TRPS1: variants seen among roughly 807,000 people sequenced by gnomAD.
TRPS1 encodes transcriptional repressor GATA binding 1.
TRPS1 carries 6 observed loss-of-function variants against 101.2 expected under a neutral mutation model. The ratio of observed to expected loss-of-function variants is 0.06; its 90% CI spans 0.03 to 0.12. TRPS1 has a LOEUF of 0.12. Among genes scored for constraint, TRPS1 ranks in the 10% least tolerant of loss-of-function variants. The pLI, the probability that TRPS1 is intolerant of heterozygous loss-of-function variation, is 1.00. For synonymous variants in TRPS1, 578 were observed against 589.8 expected (o/e 0.98, Z 0.29); for missense variants, 1,363 against 1,567.0 (o/e 0.87, Z 2.20).
chr8:115,513,085 A>G (rs1815624036), intron 5 of TRPS1, among the ~76,000 whole-genome samples: 1 of 151,740 alleles, frequency 6.6e-6, no homozygotes, highest in Admixed American at 6.6e-5. Flanking sequence ...CAGTTTGCCT[A>G]TTCTCTTACT....
chr8:115,557,631 C>T (rs546356322), intron 5 of TRPS1, among the ~76,000 whole-genome samples: 10 of 152,210 alleles, frequency 6.6e-5, no homozygotes, highest in South Asian at 2.1e-4. Flanking sequence ...CTTCCCTTTC[C>T]GCCATGATTA....
At chr8:115,616,241 T>C (rs1383594387) in intron 3 of TRPS1, among the ~76,000 whole-genome samples, 4 of 152,218 alleles carry the variant, frequency 2.6e-5, no homozygotes, top group Non-Finnish European at 4.4e-5. Flanking sequence ...TTTTACAAAG[T>C]TGTAATTCTT....
chr8:115,560,411 A>G (rs1343077162), intron 5 of TRPS1, among the ~76,000 whole-genome samples: 1 of 152,146 alleles, frequency 6.6e-6, no homozygotes, highest in African/African-American at 2.4e-5. Flanking sequence ...TCATAAAATC[A>G]TAACAACCAC....
chr8:115,466,200 T>C (rs1307065643), intron 5 of TRPS1, among the ~76,000 whole-genome samples: 1 of 152,188 alleles, frequency 6.6e-6, no homozygotes, highest in Admixed American at 6.5e-5. Context: ...AACAATTTTT[T>C]CAAATGGATT....
intron 5 of TRPS1, among the ~76,000 whole-genome samples, chr8:115,499,318 AT>A (rs1422791648): frequency 6.6e-6 from 1 of 152,206 alleles, no homozygotes; most frequent in Non-Finnish European, 1.5e-5. Context: ...ATGAATCAAA[AT>A]ATTGTGCTTC....
intron 5 of TRPS1, among the ~76,000 whole-genome samples, chr8:115,470,948 T>C (rs754830565): frequency 2.6e-5 from 4 of 152,240 alleles, no homozygotes; most frequent in Non-Finnish European, 4.4e-5. Context: ...AGTCTTTAAC[T>C]GTGGGTAGCA....
At chr8:115,496,811 CAGTT>C (rs996157097) in intron 5 of TRPS1, among the ~76,000 whole-genome samples, 1 of 152,110 alleles carries the variant, frequency 6.6e-6, no homozygotes, top group Non-Finnish European at 1.5e-5. Context: ...TTTATTACAA[CAGTT>C]AGCAGTTTTC....
intron 5 of TRPS1, among the ~76,000 whole-genome samples, chr8:115,461,471 C>T (rs1417533557): frequency 6.6e-6 from 1 of 152,128 alleles, no homozygotes; most frequent in Non-Finnish European, 1.5e-5. Flanking sequence ...TAGATGCCTT[C>T]CCTCTAAAGA....
intron 5 of TRPS1, among the ~76,000 whole-genome samples, chr8:115,471,075 A>G (rs1814457459): frequency 6.6e-6 from 1 of 152,176 alleles, no homozygotes; most frequent in South Asian, 2.1e-4. Flanking sequence ...TTGTTTGCAG[A>G]GTGTGATGCA....
At chr8:115,592,646 C>G (rs1817701392) in intron 4 of TRPS1, among the ~76,000 whole-genome samples, 1 of 152,126 alleles carries the variant, frequency 6.6e-6, no homozygotes, top group Non-Finnish European at 1.5e-5. Context: ...ACATTACTGT[C>G]AAAAGCCTGG....
chr8:115,518,775 A>T (rs1815785036), intron 5 of TRPS1, among the ~76,000 whole-genome samples: 1 of 151,876 alleles, frequency 6.6e-6, no homozygotes, highest in African/African-American at 2.4e-5. Context: ...AGTAAAGGTG[A>T]TATTTTCTCT....
chr8:115,480,653 A>T lies in TRPS1; in HGVS notation c.2701-62201T>A, dbSNP rs180995141. 2.3e-3 allele frequency among the ~76,000 whole-genome samples: 357 copies of T among 152,198 alleles called. 1 individual carries two copies. Among genetic ancestry groups the T allele is most frequent in the African/African-American group, 8.1e-3 (338 of 41,566 alleles). ...AAAAATGCATGCATGCAAAGAATGC[A>T]TATATTATATTCAGGGCCATTTTTC... On this transcript the variant is annotated intron_variant, in intron 5 of 6. Transcript: ENST00000395715.
rs774175189 is a variant in TRPS1, at chr8:115,568,353, T to TTTAAA, written c.2700+18643_2700+18647dup. On this transcript the variant is annotated intron_variant, in intron 5 of 6. Transcript: ENST00000395715. The stretch of plus-strand genomic sequence containing the variant: ...TTACATGACTCTAAACTCTCACAAT[T>TTTAAA]TTAAATTAAAACATAAATATGACAT... Among the ~76,000 whole-genome samples the TTTAAA allele has an allele frequency of 8.3e-4, 127 of 152,144 alleles. 3 individuals are homozygous for TTTAAA. Among genetic ancestry groups the TTTAAA allele is most frequent in the Admixed American group, 8.3e-3 (127 of 15,258 alleles).
At chr8:115,637,215 T>G (rs907915360) in intron 1 of TRPS1, 2 of 979,778 alleles carry the variant, frequency 2.0e-6, no homozygotes, top group Admixed American at 6.2e-5. Context: ...AGAAGCTAGG[T>G]TTAAACCAAA....
chr8:115,648,400 C>T (rs1173551875), intron 1 of TRPS1, among the ~76,000 whole-genome samples: 1 of 152,208 alleles, frequency 6.6e-6, no homozygotes, highest in Non-Finnish European at 1.5e-5. Context: ...GATAACACGC[C>T]CACAGCCCGG....
At chr8:115,595,563 C>T (rs1485961565) in intron 4 of TRPS1, among the ~76,000 whole-genome samples, 1 of 151,886 alleles carries the variant, frequency 6.6e-6, no homozygotes, top group East Asian at 1.9e-4. Flanking sequence ...GAGGTGCTCA[C>T]ATCTTCAAGT....
chr8:115,457,349 T>C lies in TRPS1; in HGVS notation c.2701-38897A>G, dbSNP rs374958712. ...GAGGACATCATTATGTTAAGTGAAA[T>C]AAGGCAGTCACAGAAAGACAAGTAT... On this transcript the variant is annotated intron_variant, in intron 5 of 6. Transcript: ENST00000395715. Among the ~76,000 whole-genome samples, 65 of 152,220 alleles carry C rather than the reference T, an allele frequency of 4.3e-4. 1 individual carries two copies. Among genetic ancestry groups the C allele is most frequent in the African/African-American group, 1.5e-3 (64 of 41,534 alleles).
intron 5 of TRPS1, among the ~76,000 whole-genome samples, chr8:115,538,094 C>A (rs777803799): frequency 6.6e-6 from 1 of 152,194 alleles, no homozygotes; most frequent in Non-Finnish European, 1.5e-5. Context: ...ATATTCCGGA[C>A]TTTGCATCTA....
chr8:115,632,003 A>G (rs1818657085), intron 1 of TRPS1, among the ~76,000 whole-genome samples: 1 of 152,136 alleles, frequency 6.6e-6, no homozygotes, highest in Admixed American at 6.6e-5. Flanking sequence ...AGATTCCATA[A>G]ATGTCTGTGT....
Sources: allele counts gnomAD v4.1 joint callset (sites outside exome capture counted in the v4.1 genomes callset), GRCh38; gene constraint gnomAD v4.1.1; transcripts MANE v1.5; gene names NCBI Gene and HGNC (gene_info 2026-07-23, HGNC 2026-07-21).